ANKFN1: variants seen among roughly 807,000 people sequenced by gnomAD.
ANKFN1 encodes the protein ankyrin repeat and fibronectin type III domain containing 1, also known as ankyrin repeat and fibronectin type-III domain-containing protein 1.
In ANKFN1, 74 loss-of-function variants were observed where a neutral mutation model predicts 108.7. That is an observed-to-expected ratio of 0.68 (90% CI 0.56 to 0.83). The LOEUF (loss-of-function observed/expected upper bound fraction) is 0.83, where lower values mean the gene tolerates loss of function less well. ANKFN1 is among the 40% of genes least tolerant of loss of function. The pLI, the probability that ANKFN1 is intolerant of heterozygous loss-of-function variation, is 0.00. For missense variants in ANKFN1, 1,505 were observed against 1,382.3 expected (o/e 1.09, Z -1.41); for synonymous variants, 547 against 516.2 (o/e 1.06, Z -0.81).
intron 4 of ANKFN1, among the ~76,000 whole-genome samples, chr17:56,341,764 T>A (rs2045965557): frequency 1.3e-5 from 2 of 149,254 alleles, no homozygotes; most frequent in South Asian, 4.2e-4. Flanking sequence ...GGCCTAAAGT[T>A]TTTTTTTTTA....
At position 56,499,215 on chromosome 17, in the gene ANKFN1, C is replaced by A. The variant is rs368515819; in HGVS notation, c.2644+117C>A. On this transcript the variant is annotated intron_variant, in intron 20 of 20. Transcript: ENST00000682825. Reference sequence around the variant, plus strand: ...CCAGAAAGTGGATGAAAACACTGCTCAGGGGTAAGAGTCTAACAGCATAGA... The same window carrying A: ...CCAGAAAGTGGATGAAAACACTGCTAAGGGGTAAGAGTCTAACAGCATAGA... The A allele has an allele frequency of 3.3e-5, 32 of 973,884 alleles. No homozygotes were observed. The Middle Eastern group carries it at 8.1e-4, about 25-fold the overall frequency. 60.3% of individuals were successfully genotyped at this position (973,884 alleles called of 1,614,324 possible). A position where few individuals can be genotyped will look rare whatever the true frequency, so the allele number is the denominator to read the frequency against.
chr17:56,217,328 A>G (rs995728971), intron 2 of ANKFN1, among the ~76,000 whole-genome samples: 2 of 152,174 alleles, frequency 1.3e-5, no homozygotes, highest in Admixed American at 1.3e-4. Flanking sequence ...ATCTAGACCA[A>G]CTGTGCATTT....
Position 56,482,498 on chromosome 17 carries a change from A to G in ANKFN1, c.2234A>G (p.Asn745Ser). ...TACACCCCACACTCAGGGTTTCTTA[A>G]CCTCCCTCTTCAGATGTTTGAACTT... ...NPYTPHSGFLNLPLQMFELVH... is the reference protein window; with the variant it reads ...NPYTPHSGFLSLPLQMFELVH... The change falls in exon 18 of 21, where the codon AAC (asparagine) becomes AGC (serine). Residue 745 changes from asparagine to serine, a missense_variant. Coordinates refer to ENST00000682825, the MANE Select transcript of ANKFN1 (RefSeq NM_001370326.1). 1 of 1,612,542 alleles carries G rather than the reference A, an allele frequency of 6.2e-7. No homozygotes were observed.
chr17:56,148,644 A>C (rs1175427932), upstream of ANKFN1, among the ~76,000 whole-genome samples: 1 of 152,246 alleles, frequency 6.6e-6, no homozygotes, highest in African/African-American at 2.4e-5. Context: ...AGGAGGAAAA[A>C]AAAAAATGGC....
At chr17:56,345,497 A>T (rs536817344) in intron 4 of ANKFN1, among the ~76,000 whole-genome samples, 1 of 152,282 alleles carries the variant, frequency 6.6e-6, no homozygotes, top group Non-Finnish European at 1.5e-5. Context: ...GAACTAATTT[A>T]CACTCCCACC....
rs527680564 is a variant in ANKFN1, at chr17:56,262,244, G to C, written c.53+34287G>C. Among the ~76,000 whole-genome samples the C allele has an allele frequency of 1.1e-4, 16 of 152,300 alleles. No individual in the cohort carries two copies. The South Asian group carries it at 2.9e-3, about 28-fold the overall frequency. On this transcript the variant is annotated intron_variant, in intron 3 of 20. Coordinates refer to ENST00000682825, the MANE Select transcript of ANKFN1 (RefSeq NM_001370326.1). ...TTCTGATGCCTCAGGGCAGTCACCA[G>C]CCTCTTCCTTCCATCTGGGGCATCC...
At chr17:56,154,070 C>T (rs1434893847) in intron 1 of ANKFN1, among the ~76,000 whole-genome samples, 1 of 151,684 alleles carries the variant, frequency 6.6e-6, no homozygotes, top group African/African-American at 2.4e-5. Context: ...AGAGCTGAGC[C>T]AGGGCTAGGC....
intron 8 of ANKFN1, among the ~76,000 whole-genome samples, chr17:56,408,092 G>T (rs1467375236): frequency 6.6e-6 from 1 of 151,778 alleles, no homozygotes; most frequent in Non-Finnish European, 1.5e-5. Flanking sequence ...AGGCCACCAT[G>T]CCCAGCTAAT....
At chr17:56,111,790 A>G (rs1466325110) in intron 4 of ANKFN1, among the ~76,000 whole-genome samples, 1 of 152,236 alleles carries the variant, frequency 6.6e-6, no homozygotes, top group Admixed American at 6.5e-5. Context: ...TACATCTTTA[A>G]AAAAAGAGGA....
intron 8 of ANKFN1, among the ~76,000 whole-genome samples, chr17:56,394,841 C>T (rs145519456): frequency 2.6e-5 from 4 of 152,318 alleles, no homozygotes; most frequent in Non-Finnish European, 5.9e-5. Context: ...GGCCAGATCC[C>T]TTTGCAGCAT....
chr17:56,154,104 C>T (rs557266389), intron 1 of ANKFN1, among the ~76,000 whole-genome samples: 8 of 152,192 alleles, frequency 5.3e-5, no homozygotes, highest in African/African-American at 1.9e-4. Flanking sequence ...TTGACACATA[C>T]TAACCCTGTG....
At chr17:56,374,128 T>C (rs1028093638) in intron 7 of ANKFN1, among the ~76,000 whole-genome samples, 5 of 152,248 alleles carry the variant, frequency 3.3e-5, no homozygotes, top group African/African-American at 4.8e-5. Flanking sequence ...GTCTTCACTG[T>C]GTTCTTGAAC....
intron 3 of ANKFN1, among the ~76,000 whole-genome samples, chr17:56,278,869 G>A (rs1281447049): frequency 2.6e-5 from 4 of 152,160 alleles, no homozygotes; most frequent in Admixed American, 6.6e-5. Context: ...TAAAAACTGT[G>A]AAACTACGAT....
intron 3 of ANKFN1, among the ~76,000 whole-genome samples, chr17:56,274,342 G>A (rs953080340): frequency 1.3e-5 from 2 of 152,088 alleles, no homozygotes; most frequent in East Asian, 1.9e-4. Flanking sequence ...GCGTGGTGGC[G>A]GGCGCCTGTA....
intron 3 of ANKFN1, among the ~76,000 whole-genome samples, chr17:56,242,931 T>C (rs2144010885): frequency 6.6e-6 from 1 of 152,246 alleles, no homozygotes; most frequent in Non-Finnish European, 1.5e-5. Context: ...GAGATGATGC[T>C]ATGATTTTGT....
intron 4 of ANKFN1, among the ~76,000 whole-genome samples, chr17:56,126,756 C>A (rs1306765349): frequency 6.6e-6 from 1 of 152,188 alleles, no homozygotes; most frequent in Non-Finnish European, 1.5e-5. Flanking sequence ...ATCAATAATA[C>A]CATTTTGATA....
chr17:56,293,202 T>C (rs1311590761), intron 3 of ANKFN1, among the ~76,000 whole-genome samples: 1 of 152,230 alleles, frequency 6.6e-6, no homozygotes, highest in African/African-American at 2.4e-5. Context: ...ATCTGGTCAT[T>C]CATTCATTCA....
chr17:56,447,258 T>C (rs943151433), intron 10 of ANKFN1, among the ~76,000 whole-genome samples: 3 of 152,084 alleles, frequency 2.0e-5, no homozygotes, highest in Non-Finnish European at 2.9e-5. Flanking sequence ...AACCTCACTT[T>C]ACAAAGAAAA....
At chr17:56,486,974 A>C (rs529900198) in intron 18 of ANKFN1, among the ~76,000 whole-genome samples, 63 of 152,328 alleles carry the variant, frequency 4.1e-4, no homozygotes, top group Non-Finnish European at 7.3e-4. Flanking sequence ...TGGAAACTGC[A>C]TCTGTGCCTA....
Sources: allele counts gnomAD v4.1 joint callset (sites outside exome capture counted in the v4.1 genomes callset), GRCh38; gene constraint gnomAD v4.1.1; transcripts MANE v1.5; gene names NCBI Gene and HGNC (gene_info 2026-07-23, HGNC 2026-07-21).